SLFN12L: variants seen among roughly 807,000 people sequenced by gnomAD.
SLFN12L encodes the protein schlafen family member 12-like.
In SLFN12L, 34 loss-of-function variants were observed where a neutral mutation model predicts 34.8. The observed-to-expected ratio is 0.98, with a 90% CI of 0.74 to 1.30. SLFN12L has a LOEUF of 1.30. SLFN12L is among the 50% of genes most tolerant of loss of function. The probability of loss-of-function intolerance (pLI) is 0.00; values close to 1 mark genes in which losing one functional copy is unlikely to be tolerated. For synonymous variants in SLFN12L, 259 were observed against 247.5 expected (o/e 1.05, Z -0.44); for missense variants, 703 against 696.2 (o/e 1.01, Z -0.11).
intron 2 of SLFN12L, chr17:35,498,910 T>C: frequency 1.4e-6 from 1 of 715,232 alleles, no homozygotes; most frequent in Non-Finnish European, 2.5e-6. Context: ...CCCAGCCCTA[T>C]TCTGCAGAAC....
chr17:35,511,584 T>TACAC (rs58683369), intron 2 of SLFN12L, among the ~76,000 whole-genome samples: 21,784 of 148,302 alleles, frequency 0.15, 2,419 homozygotes, highest in East Asian at 0.31. Context: ...CACACACACA[T>TACAC]ACACACACAC....
chr17:35,523,058 G>T (rs1916045620), intron 1 of SLFN12L, 89 bp from the exon 2 acceptor site: 4 of 306,236 alleles, frequency 1.3e-5, no homozygotes, highest in South Asian at 1.1e-4. Flanking sequence ...TAATATATTT[G>T]ATTATTAATT....
Position 35,522,344 on chromosome 17 carries a change from C to T in SLFN12L, c.21G>A (p.Val7=), listed in dbSNP as rs1250095686. Residue 7 remains valine, a synonymous_variant, in exon 2 of 5, where the codon GTG becomes GTA. Transcript: ENST00000628453. The part of the protein sequence containing the change: MEKIRN[V]FHCEAHRILY... ...GAATTCTGTGTGCCTCACAGTGAAA[C>T]ACATTCCTGATCTTCTCCATGATCT... 6.2e-7 allele frequency: 1 copy of T among 1,614,176 alleles called. No homozygotes were observed. The highest frequency in any genetic ancestry group is 8.5e-7 in the Non-Finnish European group (1 of 1,180,034).
intron 2 of SLFN12L, among the ~76,000 whole-genome samples, chr17:35,503,233 G>A (rs1360408114): frequency 6.6e-6 from 1 of 152,186 alleles, no homozygotes; most frequent in Non-Finnish European, 1.5e-5. Context: ...AATGTTAGTT[G>A]TGTGTAAATT....
rs183035554 is a variant in SLFN12L, at chr17:35,531,950, A to G, written c.-606+5623T>C. 4.4e-3 allele frequency among the ~76,000 whole-genome samples: 671 copies of G among 152,162 alleles called. 9 individuals are homozygous for G. Among genetic ancestry groups the G allele is most frequent in the African/African-American group, 0.016 (648 of 41,518 alleles). On this transcript the variant is annotated intron_variant, in intron 1 of 4. Transcript: ENST00000628453. ...CAGCCCGGCCTGACAACTCTCTTCT[A>G]CATCTAAAAGTGCAAATTATTTTGT... is the stretch of plus-strand genomic sequence containing the variant.
At chr17:35,492,703 G>T (rs1193340354) in intron 2 of SLFN12L, among the ~76,000 whole-genome samples, 1 of 152,174 alleles carries the variant, frequency 6.6e-6, no homozygotes, top group African/African-American at 2.4e-5. Context: ...TTTTGTGTCA[G>T]CTGCAAATCC....
rs760244168 is a variant in SLFN12L at position 35,479,255 on chromosome 17, A to G, written c.1027T>C (p.Tyr343His). The G allele has an allele frequency of 4.4e-6, 7 of 1,593,196 alleles. No homozygotes were observed. The Admixed American group carries it at 1.2e-4, about 28-fold the overall frequency. ...CGTTCCACTCTGAGTGCATACACAT[A>G]TCCACAAAGCCTTCCTTTATCATAT... ...GVYDKGRLCG[Y>H]VYALRVERFC... Residue 343 changes from tyrosine to histidine, a missense_variant, in exon 3 of 5, where the codon TAT becomes CAT. Tyr to His is a moderately conservative substitution (Grantham distance 83, BLOSUM62 2). Coordinates refer to ENST00000628453, the MANE Select transcript of SLFN12L (RefSeq NM_001363830.2).
At chr17:35,517,120 C>G (rs979415171) in intron 2 of SLFN12L, among the ~76,000 whole-genome samples, 3 of 152,098 alleles carry the variant, frequency 2.0e-5, no homozygotes, top group Non-Finnish European at 4.4e-5. Flanking sequence ...ATTAAGAAAA[C>G]AAACAAATAG....
At position 35,464,733 on chromosome 17, in the gene SLFN12L, T is replaced by A. The variant is rs1162647720; in HGVS notation, c.*10190A>T. 1 of 152,194 alleles carries A rather than the reference T, an allele frequency of 6.6e-6. No individual in the cohort carries two copies. The highest frequency in any genetic ancestry group is 2.4e-5 in the African/African-American group (1 of 41,442). The allele number at this position is 152,194 out of a possible 1,614,324, so 9.4% of individuals were successfully genotyped here. On this transcript the variant is annotated 3_prime_UTR_variant, in exon 5 of 5. Coordinates refer to ENST00000628453, the MANE Select transcript of SLFN12L (RefSeq NM_001363830.2). ...TTGTACATGTACATAGATAAAGATA[T>A]CAAACGTATATCTAAATTAAAACAA...
At chr17:35,528,901 C>A (rs371814223) in intron 1 of SLFN12L, among the ~76,000 whole-genome samples, 21 of 152,278 alleles carry the variant, frequency 1.4e-4, no homozygotes, top group African/African-American at 3.1e-4. Context: ...TCAGAGTGAA[C>A]AGGCAATCTA....
At chr17:35,498,383 C>T (rs1444110266) in intron 2 of SLFN12L, 14 of 1,173,098 alleles carry the variant, frequency 1.2e-5, no homozygotes, top group Non-Finnish European at 3.9e-6. Flanking sequence ...ATTGTGCCGA[C>T]ATAGTGTCTG....
At chr17:35,493,142 T>C (rs1914907051) in intron 2 of SLFN12L, among the ~76,000 whole-genome samples, 1 of 152,208 alleles carries the variant, frequency 6.6e-6, no homozygotes, top group South Asian at 2.1e-4. Flanking sequence ...GTGCAGACTA[T>C]CTTCCTTTTT....
At position 35,485,779 on chromosome 17, in the gene SLFN12L, G is replaced by A. The variant is rs4796087; in HGVS notation, c.87-5584C>T. Among the ~76,000 whole-genome samples the A allele has an allele frequency of 3.0e-3, 462 of 152,258 alleles. 5 individuals carry two copies. The highest frequency in any genetic ancestry group is 0.026 in the Admixed American group (399 of 15,294). ...TCCTTTCTCCATTGGTTATTTTGGT[G>A]GACTTTATCAAAGATGAGTTGGTTG... On this transcript the variant is annotated intron_variant, in intron 2 of 4. Transcript: ENST00000628453.
intron 2 of SLFN12L, among the ~76,000 whole-genome samples, chr17:35,508,759 T>C (rs1915547261): frequency 6.6e-6 from 1 of 152,188 alleles, no homozygotes; most frequent in Non-Finnish European, 1.5e-5. Flanking sequence ...GAGACAGTTT[T>C]TCTGATAAAA....
chr17:35,505,534 A>T (rs754645979), intron 2 of SLFN12L, among the ~76,000 whole-genome samples: 1 of 152,240 alleles, frequency 6.6e-6, no homozygotes, highest in Non-Finnish European at 1.5e-5. Context: ...ACCAAGTACC[A>T]AAGCTTGCTA....
chr17:35,537,147 GA>G (rs2142184023), intron 1 of SLFN12L, among the ~76,000 whole-genome samples: 2 of 151,668 alleles, frequency 1.3e-5, no homozygotes, highest in East Asian at 2.0e-4. Flanking sequence ...ACCACTGCAC[GA>G]CAGCCTGGGC....
intron 2 of SLFN12L, among the ~76,000 whole-genome samples, chr17:35,503,809 G>A (rs1002235584): frequency 2.0e-5 from 3 of 151,628 alleles, no homozygotes; most frequent in Non-Finnish European, 4.4e-5. Context: ...CTCATCAAAG[G>A]GTGGAAAGAA....
chr17:35,495,916 CACA>C (rs1915047953), intron 2 of SLFN12L, among the ~76,000 whole-genome samples: 1 of 149,854 alleles, frequency 6.7e-6, no homozygotes, highest in East Asian at 2.0e-4. Flanking sequence ...CACACACACA[CACA>C]CACACACACA....
In SLFN12L at chr17:35,498,701, T is replaced by C; in HGVS notation, c.87-18506A>G. 1.9e-6 allele frequency: 3 copies of C among 1,566,422 alleles called. No homozygotes were observed. In the South Asian group the frequency reaches 3.6e-5, roughly 19 times the overall value. On this transcript the variant is annotated intron_variant, in intron 2 of 4. Coordinates refer to ENST00000628453, the MANE Select transcript of SLFN12L (RefSeq NM_001363830.2). Reference sequence around the variant, plus strand: ...AGCTTCGAGCATTCCTAGATAACAATTACGTGGTCCATCTCCAAGAAGACA... The same window carrying C: ...AGCTTCGAGCATTCCTAGATAACAACTACGTGGTCCATCTCCAAGAAGACA...
Sources: allele counts gnomAD v4.1 joint callset (sites outside exome capture counted in the v4.1 genomes callset), GRCh38; gene constraint gnomAD v4.1.1; transcripts MANE v1.5; gene names NCBI Gene and HGNC (gene_info 2026-07-23, HGNC 2026-07-21).